Variants in HDAC9 observed in about 807,000 individuals in gnomAD.
HDAC9 encodes MEF-2 interacting transcription repressor (MITR) protein.
Under a neutral mutation model 139.4 loss-of-function variants are expected in HDAC9, and 41 were observed. That is an observed-to-expected ratio of 0.29 (90% CI 0.23 to 0.38). HDAC9 has a LOEUF of 0.38. Among genes scored for constraint, HDAC9 ranks in the 10% least tolerant of loss-of-function variants. HDAC9 has a pLI of 1.00. For synonymous variants in HDAC9, 517 were observed against 476.2 expected, an observed-to-expected ratio of 1.09 and a Z score of -1.12; for missense variants, 1,147 against 1,297.0, an observed-to-expected ratio of 0.88 and a Z score of 1.78.
intron 22 of HDAC9, among the ~76,000 whole-genome samples, chr7:18,930,199 G>C (rs1398551512): frequency 1.3e-5 from 2 of 152,020 alleles, no homozygotes; most frequent in African/African-American, 4.8e-5. Flanking sequence ...GTGATTGCTT[G>C]AGCCTACAAG....
intron 13 of HDAC9, among the ~76,000 whole-genome samples, chr7:18,733,325 G>A (rs1397317617): frequency 1.3e-5 from 2 of 149,544 alleles, no homozygotes. Flanking sequence ...ATATACACAT[G>A]TATATATGTG....
intron 1 of HDAC9, among the ~76,000 whole-genome samples, chr7:18,441,060 A>G (rs1191058761): frequency 6.6e-6 from 1 of 152,202 alleles, no homozygotes; most frequent in Admixed American, 6.5e-5. Context: ...ACTTCTCTGG[A>G]TCATGTTCCT....
At chr7:18,705,707 G>A (rs915787742) in intron 12 of HDAC9, among the ~76,000 whole-genome samples, 2 of 151,776 alleles carry the variant, frequency 1.3e-5, no homozygotes, top group African/African-American at 4.8e-5. Flanking sequence ...ACAAAAATTA[G>A]CTGGGTGCAG....
At chr7:18,685,849 C>G (rs941408213) in intron 12 of HDAC9, among the ~76,000 whole-genome samples, 10 of 151,748 alleles carry the variant, frequency 6.6e-5, no homozygotes, top group Admixed American at 5.3e-4. Context: ...AGTTTAAACA[C>G]TATTAAAAAT....
chr7:18,664,620 T>G (rs564462445), intron 11 of HDAC9, among the ~76,000 whole-genome samples: 4 of 152,064 alleles, frequency 2.6e-5, no homozygotes, highest in Non-Finnish European at 5.9e-5. Context: ...TCCCCACCCT[T>G]ATTTCCGCCC....
At chr7:18,288,753 G>A (rs112345870), upstream of HDAC9, among the ~76,000 whole-genome samples, 3 of 152,066 alleles carry the variant, frequency 2.0e-5, no homozygotes, top group African/African-American at 7.2e-5. Context: ...ATATACATTG[G>A]TCCTAAAGAG....
intron 22 of HDAC9, among the ~76,000 whole-genome samples, chr7:18,896,045 C>G (rs917718157): frequency 6.6e-6 from 1 of 151,936 alleles, no homozygotes; most frequent in Non-Finnish European, 1.5e-5. Context: ...TTCATTAATG[C>G]CGAAGGGAAA....
intron 12 of HDAC9, among the ~76,000 whole-genome samples, chr7:18,723,592 T>C (rs189124082): frequency 6.6e-6 from 1 of 152,340 alleles, no homozygotes; most frequent in Admixed American, 6.5e-5. Flanking sequence ...GGTAGGATGC[T>C]GCTTACTGAA....
At chr7:18,390,564 A>T (rs1786380885) in intron 1 of HDAC9, among the ~76,000 whole-genome samples, 1 of 152,122 alleles carries the variant, frequency 6.6e-6, no homozygotes, top group South Asian at 2.1e-4. Flanking sequence ...ACTTCAGTAT[A>T]TTCTGTGTCC....
chr7:18,813,311 A>G (rs554724407), intron 17 of HDAC9, among the ~76,000 whole-genome samples: 10 of 152,092 alleles, frequency 6.6e-5, no homozygotes, highest in Non-Finnish European at 1.3e-4. Flanking sequence ...GAAGTTATTC[A>G]ATTATTTAAA....
intron 2 of HDAC9, among the ~76,000 whole-genome samples, chr7:18,567,905 T>A (rs1822918980): frequency 6.6e-6 from 1 of 151,692 alleles, no homozygotes; most frequent in Admixed American, 6.6e-5. Context: ...AACATTTAAA[T>A]GTCAAATAAG....
intron 17 of HDAC9, among the ~76,000 whole-genome samples, chr7:18,816,818 T>G (rs1794595042): frequency 6.6e-6 from 1 of 152,184 alleles, no homozygotes; most frequent in African/African-American, 2.4e-5. Context: ...TTCAGTTTCT[T>G]TAGATAAAAC....
intron 1 of HDAC9, among the ~76,000 whole-genome samples, chr7:18,296,908 A>G (rs1798188255): frequency 6.6e-6 from 1 of 152,200 alleles, no homozygotes; most frequent in South Asian, 2.1e-4. Flanking sequence ...GCAGGGGACA[A>G]GAAGCACACA....
chr7:18,730,636 C>CTTT (rs1349610503), intron 13 of HDAC9, among the ~76,000 whole-genome samples: 2 of 152,158 alleles, frequency 1.3e-5, no homozygotes, highest in Non-Finnish European at 2.9e-5. Flanking sequence ...AATTTATGGT[C>CTTT]TTTTCCATCT....
intron 22 of HDAC9, among the ~76,000 whole-genome samples, chr7:18,924,572 A>G (rs1277020713): frequency 6.6e-6 from 1 of 152,090 alleles, no homozygotes; most frequent in Admixed American, 6.6e-5. Flanking sequence ...TTTGGCAATG[A>G]GACATGTCCC....
chr7:18,733,372 C>G lies in HDAC9; in HGVS notation c.1909+5615C>G, dbSNP rs541812703. On this transcript the variant is annotated intron_variant, in intron 13 of 25. Coordinates refer to ENST00000686413, the MANE Select transcript of HDAC9 (RefSeq NM_178425.4). ...GTATGTATGCCTGTGTTAAGGCCTT[C>G]TAGAGTAGCTTCTGTTATTACTCAT... Among the ~76,000 whole-genome samples, 12 of 150,132 alleles carry G rather than the reference C, an allele frequency of 8.0e-5. No homozygotes were observed. In the East Asian group the frequency reaches 2.3e-3, roughly 29 times the overall value.
intron 1 of HDAC9, among the ~76,000 whole-genome samples, chr7:18,088,753 C>G (rs1034408271): frequency 1.3e-5 from 2 of 152,228 alleles, no homozygotes; most frequent in African/African-American, 4.8e-5. Context: ...TTTTAAACCA[C>G]TGTTCCAGTT....
intron 2 of HDAC9, among the ~76,000 whole-genome samples, chr7:18,204,758 G>C (rs1437638454): frequency 6.6e-6 from 1 of 151,670 alleles, no homozygotes; most frequent in African/African-American, 2.4e-5. Context: ...TTTTCTGTCA[G>C]ATTGTTTATC....
At chr7:18,420,165 G>A (rs915546529) in intron 1 of HDAC9, among the ~76,000 whole-genome samples, 1 of 152,186 alleles carries the variant, frequency 6.6e-6, no homozygotes, top group Admixed American at 6.5e-5. Context: ...CTTCCTAAAT[G>A]TAGTTTTCCT....
Sources: allele counts gnomAD v4.1 joint callset (sites outside exome capture counted in the v4.1 genomes callset), GRCh38; gene constraint gnomAD v4.1.1; transcripts MANE v1.5; gene names NCBI Gene and HGNC (gene_info 2026-07-23, HGNC 2026-07-21).